CAPN12: variants seen among roughly 807,000 people sequenced by gnomAD.
CAPN12 encodes calpain-12.
In CAPN12, 107 loss-of-function variants were observed where a neutral mutation model predicts 95.0. The ratio of observed to expected loss-of-function variants is 1.13; its 90% confidence interval spans 0.96 to 1.32. CAPN12 has a LOEUF of 1.32. CAPN12 is among the 40% of genes most tolerant of loss of function. The probability of loss-of-function intolerance (pLI) is 0.00; values close to 1 mark genes in which losing one functional copy is unlikely to be tolerated. For missense variants in CAPN12, 1,136 were observed against 997.8 expected, an observed-to-expected ratio of 1.14 and a Z score of -1.87; for synonymous variants, 505 against 415.5, an observed-to-expected ratio of 1.22 and a Z score of -2.62.
intron 15 of CAPN12, 47 bp from the exon 16 acceptor site, chr19:38,734,436 C>G: frequency 6.6e-7 from 1 of 1,515,142 alleles, no homozygotes; most frequent in Non-Finnish European, 8.9e-7. Context: ...GCATTCTGGC[C>G]ACCACTTTAA....
At chr19:38,743,211 G>A (rs372122631) in intron 1 of CAPN12, 109 bp from the exon 2 acceptor site, 12 of 1,270,934 alleles carry the variant, frequency 9.4e-6, no homozygotes, top group African/African-American at 7.3e-5. Flanking sequence ...CCTGTGGGCA[G>A]GAGCATGGCT....
At chr19:38,733,629 AG>A (rs1490463926) in intron 18 of CAPN12, 73 bp downstream of exon 18, 74 of 1,337,228 alleles carry the variant, frequency 5.5e-5, no homozygotes, top group Non-Finnish European at 7.6e-5. Flanking sequence ...ACAGCTGAGC[AG>A]GGGGACTTGG....
chr19:38,735,532 G>A lies in CAPN12; in HGVS notation c.1596C>T (p.Asp532=), dbSNP rs141011501. 2.4e-4 allele frequency: 389 copies of A among 1,610,454 alleles called. 1 individual carries two copies. The Middle Eastern group carries it at 3.8e-3, about 16-fold the overall frequency. The part of the protein sequence containing the change: ...ERRHTAVEID[D]VISADLQSLQ... The stretch of plus-strand genomic sequence containing the variant: ...GAGACTGCAGGTCTGCGCTGATCAC[G>A]TCGTCGATCTCCCTGCAAATTACAG... The change falls in exon 13 of 21, where the codon GAC becomes GAT. Residue 532 remains aspartate, a synonymous_variant. Coordinates refer to ENST00000328867, the MANE Select transcript of CAPN12 (RefSeq NM_144691.4).
In CAPN12 at chr19:38,734,389, G is replaced by A. The variant is rs1220536624; in HGVS notation, c.1745C>T (p.Ala582Val). 5.0e-6 allele frequency: 8 copies of A among 1,584,792 alleles called. No individual in the cohort carries two copies. The Admixed American group carries it at 1.1e-4, about 22-fold the overall frequency. ...TCTGGGGGTGGAGGTATGGGCCCTG[G>A]CTACAGGAAAAACAAAGTCAAACCA... Reference protein sequence around the residue: ...QALLSIALEPARAHTSTPREI... With the variant: ...QALLSIALEPVRAHTSTPREI... The change falls in exon 16 of 21, where the codon GCC becomes GTC. Residue 582 changes from alanine (A) to valine (V), a missense_variant and splice_region_variant. Ala to Val is a moderately conservative substitution (Grantham distance 64). Coordinates refer to ENST00000328867, the MANE Select transcript of CAPN12 (RefSeq NM_144691.4).
chr19:38,730,667 GT>G lies in CAPN12; in HGVS notation c.*184del, dbSNP rs1425470901. The G allele has an allele frequency of 3.0e-6, 2 of 675,774 alleles. No individual in the cohort carries two copies. The highest frequency in any genetic ancestry group is 3.6e-5 in the African/African-American group (2 of 56,140). 41.9% of individuals were successfully genotyped at this position (675,774 alleles called of 1,614,324 possible). A position where few individuals can be genotyped will look rare whatever the true frequency, so the allele number is the denominator to read the frequency against. On this transcript the variant is annotated 3_prime_UTR_variant, in exon 21 of 21. Coordinates refer to ENST00000328867, the MANE Select transcript of CAPN12 (RefSeq NM_144691.4). ...CATCTGCTCGAGAAGGGCTGTCGCT[GT>G]TCTTGTTTCTGAGTGAGGAGTACGC...
rs1290592137 is a variant in CAPN12, at chr19:38,737,137, G to C, written c.1362+19C>G. ...ACCCTCCGGGTTCCCTCCAGCCTCA[G>C]CTTTGCCCAGGACCTCACCTGGAAC... On this transcript the variant is annotated intron_variant, in intron 10 of 20. Transcript: ENST00000328867. 1.5e-6 allele frequency: 2 copies of C among 1,358,680 alleles called. No individual in the cohort carries two copies. The highest frequency in any genetic ancestry group is 1.9e-6 in the Non-Finnish European group (2 of 1,030,982). The allele number at this position is 1,358,680 out of a possible 1,614,324, so 84.2% of individuals were successfully genotyped here.
chr19:38,732,730 A>G (rs1024974364), intron 18 of CAPN12, among the ~76,000 whole-genome samples: 1 of 152,050 alleles, frequency 6.6e-6, no homozygotes, highest in Non-Finnish European at 1.5e-5. Flanking sequence ...ACTCCATCAC[A>G]GTCACCCCAG....
chr19:38,744,661 C>T (rs1448555488), upstream of CAPN12, among the ~76,000 whole-genome samples: 1 of 152,152 alleles, frequency 6.6e-6, no homozygotes, highest in East Asian at 1.9e-4. Flanking sequence ...CTGCAACCTC[C>T]GCCTTCTAGG....
At chr19:38,735,260 G>A (rs1599895233) in intron 14 of CAPN12, 110 bp downstream of exon 14, 4 of 1,081,334 alleles carry the variant, frequency 3.7e-6, no homozygotes, top group South Asian at 1.6e-5. Flanking sequence ...AAGCCCGGAG[G>A]GAGGAAAAAG....
chr19:38,734,371 G>T lies in CAPN12; in HGVS notation c.1763C>A (p.Thr588Asn). 1 of 1,604,322 alleles carries T rather than the reference G, an allele frequency of 6.2e-7. No individual in the cohort carries two copies. Residue 588 changes from threonine to asparagine, a missense_variant, in exon 16 of 21, where the codon ACC becomes AAC. Thr to Asn is a moderately conservative substitution (Grantham distance 65). Transcript: ENST00000328867. ...ALEPARAHTS[T>N]PREIGLRTCE... ...GGTCCTGAGCCCGATCTCTCTGGGG[G>T]TGGAGGTATGGGCCCTGGCTACAGG...
rs531086227 is a variant in CAPN12 at position 38,730,297 on chromosome 19, C to A, written c.*555G>T. The A allele has an allele frequency of 3.1e-3, 498 of 163,160 alleles. 1 individual carries two copies. The highest frequency in any genetic ancestry group is 0.016 in the Middle Eastern group (5 of 310). The allele number at this position is 163,160 out of a possible 1,614,324, so 10.1% of individuals were successfully genotyped here. On this transcript the variant is annotated 3_prime_UTR_variant, in exon 21 of 21. Transcript: ENST00000328867. ...TCCTGCTCTCATAATGAAGACATAG[C>A]CGATTCTCTGCCCGGGCCCCTTGCT...
chr19:38,734,786 C>G, intron 15 of CAPN12, 27 bp downstream of exon 15: 1 of 1,608,570 alleles, frequency 6.2e-7, no homozygotes, highest in Non-Finnish European at 8.5e-7. Flanking sequence ...AAGACCCCTC[C>G]TCCTGCCCCT....
intron 1 of CAPN12, 131 bp downstream of exon 1, chr19:38,743,790 TAAGAGTCC>T: frequency 1.7e-6 from 1 of 572,924 alleles, no homozygotes; most frequent in Non-Finnish European, 2.7e-6. Flanking sequence ...CCCTCAGACC[TAAGAGTCC>T]AGGTCTCGAG....
At chr19:38,741,711 C>G in intron 4 of CAPN12, 66 bp downstream of exon 4, 1 of 1,583,044 alleles carries the variant, frequency 6.3e-7, no homozygotes, top group African/African-American at 1.3e-5. Context: ...GACTCTGGGT[C>G]CCCCTGTGGC....
At position 38,731,209 on chromosome 19, in the gene CAPN12, T is replaced by G. The variant is rs764220707; in HGVS notation, c.1972A>C (p.Asn658His). Residue 658 changes from asparagine (N) to histidine (H), a missense_variant, in exon 19 of 21, where the codon AAC becomes CAC. Physicochemically the swap from Asn to His is moderately conservative, Grantham distance 68. Transcript: ENST00000328867. Reference sequence around the variant, plus strand: ...CTGGTGAGGGTCTGGGTCAGCTGGTTGTTCAGGTGGAAGCCTAGGGGGAGG... The same window carrying G: ...CTGGTGAGGGTCTGGGTCAGCTGGTGGTTCAGGTGGAAGCCTAGGGGGAGG... ...ALNAAGFHLN[N>H]QLTQTLTSRY... The G allele has an allele frequency of 1.6e-4, 253 of 1,612,564 alleles. No individual in the cohort carries two copies. The highest frequency in any genetic ancestry group is 2.0e-4 in the Non-Finnish European group (235 of 1,179,976).
chr19:38,730,915 G>A, intron 20 of CAPN12, 37 bp from the exon 21 acceptor site: 1 of 1,550,580 alleles, frequency 6.4e-7, no homozygotes, highest in Non-Finnish European at 8.7e-7. Context: ...TTGAGGCAGG[G>A]AGCTCGCAGG....
rs747837065 is a variant in CAPN12 at position 38,730,712 on chromosome 19, G to T, written c.*140C>A. ...AGTACGCAGGCCAGAGTGGTCACCC[G>T]GCCGTGAGCAGTGAGGGCCAGAGAC... On this transcript the variant is annotated 3_prime_UTR_variant, in exon 21 of 21. Transcript: ENST00000328867. The T allele has an allele frequency of 1.9e-6, 2 of 1,055,658 alleles. No homozygotes were observed. The highest frequency in any genetic ancestry group is 1.6e-5 in the African/African-American group (1 of 63,778). 65.4% of individuals were successfully genotyped at this position (1,055,658 alleles called of 1,614,324 possible). A position where few individuals can be genotyped will look rare whatever the true frequency, so the allele number is the denominator to read the frequency against.
intron 14 of CAPN12, 180 bp from the exon 15 acceptor site, chr19:38,735,050 G>C (rs959893282): frequency 1.6e-4 from 102 of 636,872 alleles, no homozygotes; most frequent in Admixed American, 7.0e-4. Context: ...GGCTGTGGTT[G>C]CTGGTGGGGG....
chr19:38,736,486 AG>A lies in CAPN12; in HGVS notation c.1374+65del, dbSNP rs1970165020. The A allele has an allele frequency of 3.4e-5, 16 of 473,300 alleles. No individual in the cohort carries two copies. In the Admixed American group the frequency reaches 6.7e-4, roughly 20 times the overall value. 29.3% of individuals were successfully genotyped at this position (473,300 alleles called of 1,614,324 possible). ...GGGCAGTTTGACCAAGCCCCAGGGC[AG>A]GTTGACCAAGCCCCAGGGCAGGTTG... is the stretch of plus-strand genomic sequence containing the variant. On this transcript the variant is annotated intron_variant, in intron 11 of 20. Coordinates refer to ENST00000328867, the MANE Select transcript of CAPN12 (RefSeq NM_144691.4).
Sources: gnomAD v4.1 joint callset for allele counts (sites outside exome capture counted in the v4.1 genomes callset) on GRCh38, gnomAD v4.1.1 for gene constraint, MANE v1.5 for transcripts, NCBI Gene and HGNC (gene_info 2026-07-23, HGNC 2026-07-21) for gene names.